The following CHRM3 variants were observed in gnomAD, a reference collection of about 807,000 sequenced individuals.
CHRM3 encodes the protein cholinergic receptor muscarinic 3, also known as muscarinic acetylcholine receptor M3.
A neutral mutation model predicts 41.8 loss-of-function variants in CHRM3; 11 were observed. The ratio of observed to expected loss-of-function variants is 0.26; its 90% confidence interval spans 0.17 to 0.44. The LOEUF (loss-of-function observed/expected upper bound fraction) is 0.44. CHRM3 is among the 20% of genes least tolerant of loss of function. The pLI, the probability that CHRM3 is intolerant of heterozygous loss-of-function variation, is 1.00. For missense variants in CHRM3, 571 were observed against 745.4 expected, an observed-to-expected ratio of 0.77 and a Z score of 2.72; for synonymous variants, 297 against 301.4, an observed-to-expected ratio of 0.99 and a Z score of 0.15.
chr1:239,451,933 A>T (rs1204936338), intron 1 of CHRM3, among the ~76,000 whole-genome samples: 1 of 152,194 alleles, frequency 6.6e-6, no homozygotes, highest in South Asian at 2.1e-4. Context: ...ATATTTTTAA[A>T]TAAAAAATAT....
chr1:239,867,485 C>T (rs1022942898), intron 6 of CHRM3, among the ~76,000 whole-genome samples: 1 of 151,994 alleles, frequency 6.6e-6, no homozygotes, highest in Non-Finnish European at 1.5e-5. Flanking sequence ...GTCAGGAATT[C>T]GAGACCAGCC....
chr1:239,495,854 G>A (rs1667843090), intron 2 of CHRM3, among the ~76,000 whole-genome samples: 1 of 152,022 alleles, frequency 6.6e-6, no homozygotes, highest in South Asian at 2.1e-4. Flanking sequence ...TCTATTCAAA[G>A]GCAAGCGTAC....
Position 239,798,221 on chromosome 1 carries a change from A to G in CHRM3, c.-146-29031A>G, listed in dbSNP as rs761045904. ...AGAATATAGTATATAACATATATAA[A>G]ATATGCAAAATCTCTGTTAATCAGC... On this transcript the variant is annotated intron_variant, in intron 5 of 6. Transcript: ENST00000676153. Among the ~76,000 whole-genome samples, 31 of 152,302 alleles carry G rather than the reference A, an allele frequency of 2.0e-4. No homozygotes were observed. In the South Asian group the frequency reaches 3.3e-3, roughly 16 times the overall value.
intron 3 of CHRM3, among the ~76,000 whole-genome samples, chr1:239,564,352 G>C (rs1365051880): frequency 6.6e-6 from 1 of 152,128 alleles, no homozygotes; most frequent in African/African-American, 2.4e-5. Context: ...AAGAGAACTG[G>C]AATGGAAAAA....
intron 5 of CHRM3, among the ~76,000 whole-genome samples, chr1:239,785,497 CATAG>C (rs1423517410): frequency 6.6e-6 from 1 of 152,204 alleles, no homozygotes; most frequent in Non-Finnish European, 1.5e-5. Context: ...GTGAAGACCA[CATAG>C]ATAGCTTGTT....
chr1:239,454,393 G>A (rs1572359344), intron 1 of CHRM3, among the ~76,000 whole-genome samples: 1 of 152,150 alleles, frequency 6.6e-6, no homozygotes, highest in Non-Finnish European at 1.5e-5. Flanking sequence ...TGTGGAGGAA[G>A]GGGTGAGGAG....
chr1:239,789,667 C>T (rs573354208), intron 5 of CHRM3, among the ~76,000 whole-genome samples: 18 of 152,120 alleles, frequency 1.2e-4, no homozygotes, highest in Non-Finnish European at 2.2e-4. Context: ...GAACTAAGAG[C>T]GAACTTACTC....
chr1:239,493,851 A>G (rs79373243), intron 2 of CHRM3, among the ~76,000 whole-genome samples: 6,657 of 152,262 alleles, frequency 0.044, 495 homozygotes, highest in African/African-American at 0.15. Context: ...CAGGAAAGGC[A>G]GGTCTCAAAA....
At chr1:239,423,405 A>G (rs1054602599) in intron 1 of CHRM3, among the ~76,000 whole-genome samples, 2 of 152,232 alleles carry the variant, frequency 1.3e-5, no homozygotes, top group Non-Finnish European at 2.9e-5. Flanking sequence ...CCTGGATTCC[A>G]TTTATCCAAA....
intron 4 of CHRM3, among the ~76,000 whole-genome samples, chr1:239,672,748 A>G (rs1441863242): frequency 6.6e-6 from 1 of 152,158 alleles, no homozygotes; most frequent in East Asian, 1.9e-4. Flanking sequence ...ACATGCAAGT[A>G]TAAGCATAAT....
chr1:239,400,453 C>T (rs1163202324), intron 1 of CHRM3, among the ~76,000 whole-genome samples: 1 of 152,084 alleles, frequency 6.6e-6, no homozygotes, highest in Non-Finnish European at 1.5e-5. Context: ...AACGTTTTCT[C>T]TTGATATAAT....
chr1:239,837,674 T>A (rs1325572572), intron 6 of CHRM3, among the ~76,000 whole-genome samples: 2 of 152,262 alleles, frequency 1.3e-5, no homozygotes, highest in Non-Finnish European at 1.5e-5. Context: ...CTTAACTACA[T>A]AATTATAAAT....
intron 5 of CHRM3, among the ~76,000 whole-genome samples, chr1:239,807,818 G>GCGCA (rs1219460288): frequency 2.7e-5 from 4 of 148,524 alleles, no homozygotes; most frequent in African/African-American, 9.8e-5. Context: ...TTTGCTTTGC[G>GCGCA]CACACACACA....
At chr1:239,873,870 G>A (rs745733214) in intron 6 of CHRM3, among the ~76,000 whole-genome samples, 1 of 152,086 alleles carries the variant, frequency 6.6e-6, no homozygotes, top group Non-Finnish European at 1.5e-5. Context: ...CCCAGCTGAA[G>A]TCCCCCCTCT....
intron 4 of CHRM3, among the ~76,000 whole-genome samples, chr1:239,635,051 A>G (rs1670309981): frequency 6.6e-6 from 1 of 152,206 alleles, no homozygotes; most frequent in South Asian, 2.1e-4. Flanking sequence ...CATTGAAACT[A>G]AGAGTGACCA....
intron 4 of CHRM3, among the ~76,000 whole-genome samples, chr1:239,643,715 G>A (rs552651588): frequency 1.2e-3 from 180 of 152,306 alleles, no homozygotes; most frequent in African/African-American, 2.8e-3. Context: ...GACTCCTTGC[G>A]CTTCCCAAGT....
chr1:239,842,699 G>C (rs1016000579), intron 6 of CHRM3, among the ~76,000 whole-genome samples: 1 of 152,164 alleles, frequency 6.6e-6, no homozygotes, highest in Non-Finnish European at 1.5e-5. Flanking sequence ...CTCCAAGTTA[G>C]AAGGATCATC....
At chr1:239,904,594 A>G (rs1054661228) in intron 6 of CHRM3, among the ~76,000 whole-genome samples, 2 of 152,176 alleles carry the variant, frequency 1.3e-5, no homozygotes, top group African/African-American at 2.4e-5. Context: ...GTGGGCTACA[A>G]ACAGTGTGTA....
chr1:239,619,077 G>T (rs147883180), intron 3 of CHRM3, among the ~76,000 whole-genome samples: 1 of 151,354 alleles, frequency 6.6e-6, no homozygotes, highest in Non-Finnish European at 1.5e-5. Context: ...ACCATGCCCA[G>T]CTAATTTTTG....
Sources: gnomAD v4.1 joint callset for allele counts (sites outside exome capture counted in the v4.1 genomes callset) on GRCh38, gnomAD v4.1.1 for gene constraint, MANE v1.5 for transcripts, NCBI Gene and HGNC (gene_info 2026-07-23, HGNC 2026-07-21) for gene names.